The following RUBCN variants were observed in gnomAD, a reference collection of about 807,000 sequenced individuals.
The protein encoded by RUBCN is rubicon autophagy regulator, also known as run domain Beclin-1-interacting and cysteine-rich domain-containing protein.
RUBCN carries 74 observed loss-of-function variants against 113.2 expected under a neutral mutation model. The observed-to-expected ratio is 0.65, with a 90% CI of 0.54 to 0.79. The LOEUF (loss-of-function observed/expected upper bound fraction) is 0.79. Ranked by LOEUF, RUBCN falls within the 30% of genes least tolerant of loss-of-function variation. The pLI, the probability that RUBCN is intolerant of heterozygous loss-of-function variation, is 0.00. For synonymous variants in RUBCN, 480 were observed against 490.0 expected (o/e 0.98, Z 0.27); for missense variants, 1,109 against 1,251.7 (o/e 0.89, Z 1.72).
At chr3:197,737,092 C>A (rs1429917398), upstream of RUBCN, 9 of 370,722 alleles carry the variant, frequency 2.4e-5, no homozygotes, top group Non-Finnish European at 3.8e-5. Flanking sequence ...AATCCCAGGC[C>A]GCGCTCGTGG....
chr3:197,684,208 A>T lies in RUBCN; in HGVS notation c.1796T>A (p.Ile599Asn). Residue 599 changes from isoleucine (I) to asparagine (N), a missense_variant, in exon 12 of 20, where the codon ATC (isoleucine) becomes AAC (asparagine). Coordinates refer to ENST00000296343, the MANE Select transcript of RUBCN (RefSeq NM_014687.4). The stretch of plus-strand genomic sequence containing the variant: ...GCTGCTTGAGGCTGTGTTCCTTCTG[A>T]TGTCAGCATCTACATGGAAACCAGA... Reference protein sequence around the residue: ...VDEFEIQDADIRRNTASSSKS... With the variant: ...VDEFEIQDADNRRNTASSSKS... 6.2e-7 allele frequency: 1 copy of T among 1,613,582 alleles called. No homozygotes were observed. The highest frequency in any genetic ancestry group is 8.5e-7 in the Non-Finnish European group (1 of 1,179,552).
rs1262052921 is a variant in RUBCN, at chr3:197,700,886, A to G, written c.988T>C (p.Leu330=). Residue 330 remains leucine (L), a synonymous_variant, in exon 7 of 20, where the codon TTG becomes CTG. Coordinates refer to ENST00000296343, the MANE Select transcript of RUBCN (RefSeq NM_014687.4). ...EGPEYLAIGN[L]DPRGRTASCQ... ...CTGGCAGTCCGGCCTCGGGGGTCCA[A>G]GTTGCCAATGGCCAGGTACTCAGGC... 2 of 1,614,154 alleles carry G rather than the reference A, an allele frequency of 1.2e-6. No individual in the cohort carries two copies. Among genetic ancestry groups the G allele is most frequent in the Non-Finnish European group, 1.7e-6 (2 of 1,180,020 alleles).
chr3:197,689,193 T>G (rs1722163100), intron 11 of RUBCN, among the ~76,000 whole-genome samples: 1 of 151,870 alleles, frequency 6.6e-6, no homozygotes, highest in Non-Finnish European at 1.5e-5. Context: ...CACAGCTAAT[T>G]CTAAAATATG....
intron 2 of RUBCN, among the ~76,000 whole-genome samples, chr3:197,710,884 T>C (rs1724891280): frequency 6.6e-6 from 1 of 152,050 alleles, no homozygotes; most frequent in Non-Finnish European, 1.5e-5. Context: ...AGTTGTGTGA[T>C]CTTGGCTCAC....
rs779102946 is a variant in RUBCN, at chr3:197,704,625, T to C, written c.380A>G (p.Gln127Arg). The C allele has an allele frequency of 6.2e-7, 1 of 1,614,094 alleles. No individual in the cohort carries two copies. The highest frequency in any genetic ancestry group is 1.1e-5 in the South Asian group (1 of 91,078). The change falls in exon 4 of 20, where the codon CAG (glutamine) becomes CGG (arginine). Residue 127 changes from glutamine to arginine, a missense_variant. Physicochemically the swap from Gln to Arg is conservative, Grantham distance 43. Coordinates refer to ENST00000296343, the MANE Select transcript of RUBCN (RefSeq NM_014687.4). ...GAGGCAGTGGTACTGCAGGCTGTGC[T>C]GCAGCCACAGCTCGGCAACAGCACG... is the stretch of plus-strand genomic sequence containing the variant. ...SERAVAELWL[Q>R]HSLQYHCLSA...
At chr3:197,749,364 G>T in exon 1 of RUBCN, 1 of 1,172,492 alleles carries the variant, frequency 8.5e-7, no homozygotes, top group Admixed American at 3.6e-5. Flanking sequence ...CACGGGAAAC[G>T]TTAGCATTTA....
chr3:197,732,038 T>C (rs1442688454), intron 1 of RUBCN, among the ~76,000 whole-genome samples: 1 of 152,060 alleles, frequency 6.6e-6, no homozygotes, highest in African/African-American at 2.4e-5. Context: ...GTTGAGTGAG[T>C]GGAAAATGCT....
intron 7 of RUBCN, among the ~76,000 whole-genome samples, chr3:197,697,426 A>G (rs1214100018): frequency 1.3e-5 from 2 of 152,390 alleles, no homozygotes; most frequent in Non-Finnish European, 2.9e-5. Flanking sequence ...GGTAAAACAA[A>G]GACAAGTGCA....
At chr3:197,691,180 T>C in intron 11 of RUBCN, 1 of 1,043,240 alleles carries the variant, frequency 9.6e-7, no homozygotes, top group Non-Finnish European at 1.3e-6. Flanking sequence ...AGGGGGCCCT[T>C]AGTATTCCAG....
intron 1 of RUBCN, among the ~76,000 whole-genome samples, chr3:197,745,106 G>A (rs1430010257): frequency 6.6e-6 from 1 of 151,838 alleles, no homozygotes; most frequent in Admixed American, 6.6e-5. Flanking sequence ...CCAACATGGT[G>A]AAACCCCATC....
In RUBCN at chr3:197,675,810, C is replaced by A. The variant is rs1192840808; in HGVS notation, c.2647-295G>T. On this transcript the variant is annotated intron_variant, in intron 18 of 19. Transcript: ENST00000296343. This position sits in a 1 kb window ranked among gnomAD's most constrained non-coding sequence, Gnocchi z 4.4. ...CACCACAAAGGGCTTCCTAAGCCGA[C>A]AGTCCCATCTGGGTCATGATTTTAT... Among the ~76,000 whole-genome samples the A allele has an allele frequency of 6.6e-6, 1 of 150,592 alleles. No individual in the cohort carries two copies. The highest frequency in any genetic ancestry group is 1.5e-5 in the Non-Finnish European group (1 of 67,310).
chr3:197,726,134 T>C (rs1726720308), intron 1 of RUBCN, among the ~76,000 whole-genome samples: 1 of 152,256 alleles, frequency 6.6e-6, no homozygotes, highest in African/African-American at 2.4e-5. Context: ...CGCTATACCA[T>C]TCCTTCTAAA....
Position 197,736,845 on chromosome 3 carries a change from C to T in RUBCN, c.-126G>A, listed in dbSNP as rs926167910. On this transcript the variant is annotated 5_prime_UTR_variant, in exon 1 of 20. Transcript: ENST00000296343. ...CCGGTGGGCTCCGGGTGATGCGCTA[C>T]ACCCGGGCGGCGACAGCGGGAGGGA... 2.6e-5 allele frequency: 36 copies of T among 1,391,360 alleles called. No homozygotes were observed. Among genetic ancestry groups the T allele is most frequent in the Non-Finnish European group, 3.3e-5 (36 of 1,080,838 alleles). 86.2% of individuals were successfully genotyped at this position (1,391,360 alleles called of 1,614,324 possible).
chr3:197,684,054 TAC>T, intron 12 of RUBCN, 101 bp downstream of exon 12: 1 of 920,120 alleles, frequency 1.1e-6, no homozygotes. Flanking sequence ...CGCCTCCTCT[TAC>T]ATCTGGATGG....
At chr3:197,691,714 T>C (rs186476360) in intron 11 of RUBCN, among the ~76,000 whole-genome samples, 44 of 152,284 alleles carry the variant, frequency 2.9e-4, no homozygotes, top group African/African-American at 1.1e-3. Context: ...CCCGGATCCC[T>C]GCTTTGCTGC....
chr3:197,702,916 T>C (rs906990504), intron 5 of RUBCN, among the ~76,000 whole-genome samples: 3 of 152,112 alleles, frequency 2.0e-5, no homozygotes, highest in Non-Finnish European at 2.9e-5. Context: ...CTAAACTCTA[T>C]CCGATTCAAA....
At chr3:197,725,435 C>G (rs1726622241) in intron 1 of RUBCN, among the ~76,000 whole-genome samples, 1 of 151,208 alleles carries the variant, frequency 6.6e-6, no homozygotes, top group African/African-American at 2.4e-5. Flanking sequence ...ATACTTGACT[C>G]TCTTATATAG....
intron 7 of RUBCN, among the ~76,000 whole-genome samples, chr3:197,698,104 T>C (rs1224752646): frequency 6.6e-6 from 1 of 152,208 alleles, no homozygotes; most frequent in Non-Finnish European, 1.5e-5. Context: ...CCTTAACCTC[T>C]TTACAACATG....
At chr3:197,703,502 C>T in intron 5 of RUBCN, 46 bp downstream of exon 5, 1 of 1,294,904 alleles carries the variant, frequency 7.7e-7, no homozygotes, top group Non-Finnish European at 1.1e-6. Context: ...TCCTGCTGAG[C>T]TCCAGGGACC....
Sources: allele counts gnomAD v4.1 joint callset (sites outside exome capture counted in the v4.1 genomes callset), GRCh38; gene constraint gnomAD v4.1.1; non-coding constraint Gnocchi (gnomAD v3.1); transcripts MANE v1.5; gene names NCBI Gene and HGNC (gene_info 2026-07-23, HGNC 2026-07-21).